The following DNAH7 variants were observed in gnomAD, a reference collection of about 807,000 sequenced individuals.
DNAH7 encodes dynein axonemal heavy chain 7.
Under a neutral mutation model 444.6 loss-of-function variants are expected in DNAH7, and 397 were observed. The ratio of observed to expected loss-of-function variants is 0.89; its 90% CI spans 0.82 to 0.97. The LOEUF is 0.97. Among genes scored for constraint, DNAH7 ranks in the 50% least tolerant of loss-of-function variants. The pLI is 0.00. For synonymous variants in DNAH7, 1,636 were observed against 1,624.4 expected (o/e 1.01, Z -0.17); for missense variants, 4,902 against 4,800.8 (o/e 1.02, Z -0.62).
intron 9 of DNAH7, among the ~76,000 whole-genome samples, chr2:196,017,371 TAATA>T (rs1052609574): frequency 5.3e-5 from 8 of 152,288 alleles, no homozygotes; most frequent in African/African-American, 1.9e-4. Context: ...TATAAAAACT[TAATA>T]AATTCCAATC....
chr2:195,907,091 T>A, intron 25 of DNAH7, 82 bp from the exon 26 acceptor site: 1 of 1,090,338 alleles, frequency 9.2e-7, no homozygotes. Flanking sequence ...CCTGATCTTT[T>A]CAAGGATTTA....
intron 16 of DNAH7, among the ~76,000 whole-genome samples, chr2:195,970,485 T>A (rs557096235): frequency 2.4e-4 from 36 of 152,172 alleles, no homozygotes; most frequent in Non-Finnish European, 4.9e-4. Flanking sequence ...TTTTTACCTA[T>A]GCTATTTTTA....
chr2:196,032,463 AG>A (rs1696119425), intron 5 of DNAH7, among the ~76,000 whole-genome samples: 1 of 152,192 alleles, frequency 6.6e-6, no homozygotes, highest in South Asian at 2.1e-4. Flanking sequence ...ACCAAAGGAG[AG>A]AATGAGTAGG....
intron 46 of DNAH7, 142 bp downstream of exon 46, chr2:195,853,201 A>G: frequency 3.1e-6 from 2 of 651,662 alleles, no homozygotes; most frequent in Middle Eastern, 9.3e-4. Context: ...GAATAATTAA[A>G]ATACACAAGC....
Position 195,900,495 on chromosome 2 carries a change from C to A in DNAH7, c.4336-1G>T. The A allele has an allele frequency of 6.2e-7, 1 of 1,613,322 alleles. No individual in the cohort carries two copies. Among genetic ancestry groups the A allele is most frequent in the Non-Finnish European group, 8.5e-7 (1 of 1,179,442 alleles). On this transcript the variant is annotated splice_acceptor_variant, in intron 27 of 64. Transcript: ENST00000312428. LOFTEE classifies it high-confidence loss of function. ...TCATTGCTACTGTCCGAAAGAGAGC[C>A]TATGGGTAGGTAGAAAGTTACTTTT...
chr2:195,892,604 C>T (rs1415779567), intron 30 of DNAH7: 1 of 151,694 alleles, frequency 6.6e-6, no homozygotes, highest in African/African-American at 2.4e-5. Flanking sequence ...TTATTAACAT[C>T]TTGAATTGGT....
At chr2:195,747,874 A>G (rs1243528064) in intron 63 of DNAH7, among the ~76,000 whole-genome samples, 1 of 152,212 alleles carries the variant, frequency 6.6e-6, no homozygotes, top group Non-Finnish European at 1.5e-5. Context: ...CCCACAGCCA[A>G]TATCATACTG....
At chr2:195,983,113 G>A (rs1255643423) in intron 15 of DNAH7, among the ~76,000 whole-genome samples, 3 of 151,954 alleles carry the variant, frequency 2.0e-5, no homozygotes, top group Non-Finnish European at 2.9e-5. Flanking sequence ...CACCTGCTAT[G>A]TACCCATGAA....
intron 48 of DNAH7, among the ~76,000 whole-genome samples, chr2:195,828,412 G>C (rs933739632): frequency 1.3e-5 from 2 of 151,666 alleles, no homozygotes; most frequent in African/African-American, 2.4e-5. Flanking sequence ...GTGAAACCCT[G>C]TCTCTACTAA....
At chr2:196,037,381 A>G (rs1005559595) in intron 5 of DNAH7, among the ~76,000 whole-genome samples, 1 of 152,198 alleles carries the variant, frequency 6.6e-6, no homozygotes, top group Non-Finnish European at 1.5e-5. Flanking sequence ...GAACACAATA[A>G]TTCTCTACCA....
Position 195,891,657 on chromosome 2 carries a change from C to A in DNAH7, c.5044G>T (p.Val1682Leu). The A allele has an allele frequency of 1.3e-6, 2 of 1,582,588 alleles. No individual in the cohort carries two copies. The highest frequency in any genetic ancestry group is 2.3e-5 in the East Asian group (1 of 44,118). The change falls in exon 31 of 65, where the codon GTG becomes TTG. Residue 1682 changes from valine (V) to leucine (L), a missense_variant and splice_region_variant. Physicochemically the swap from Val to Leu is conservative, Grantham distance 32. Transcript: ENST00000312428. The part of the protein sequence containing the change: ...AVSFRAFASS[V>L]TPDRKWLIFD... ...CATGTGAAAGTGTTAGAACTTACCA[C>A]TGAAGAGGCAAATGCTCTAAAACTG...
Position 195,754,483 on chromosome 2 carries a change from A to T in DNAH7, c.11618T>A (p.Phe3873Tyr), listed in dbSNP as rs746139977. The change falls in exon 63 of 65, where the codon TTC becomes TAC. Residue 3873 changes from phenylalanine to tyrosine, a missense_variant. Transcript: ENST00000312428. ...QWYEVGPPPVFWLSGFFFTQA... is the reference protein window; with the variant it reads ...QWYEVGPPPVYWLSGFFFTQA... ...TGTGAAGAAGAAGCCAGAAAGCCAG[A>T]AGACTGGAGGAGGACCAACCTCATA... The T allele has an allele frequency of 6.2e-7, 1 of 1,614,088 alleles. No individual in the cohort carries two copies. The highest frequency in any genetic ancestry group is 1.1e-5 in the South Asian group (1 of 91,078).
chr2:195,810,345 C>G (rs1015210804), intron 51 of DNAH7, among the ~76,000 whole-genome samples: 4 of 152,268 alleles, frequency 2.6e-5, no homozygotes, highest in African/African-American at 9.6e-5. Context: ...ACTTGGCAAA[C>G]TCCATTTTTA....
At chr2:196,023,321 C>T (rs1164995286) in intron 8 of DNAH7, among the ~76,000 whole-genome samples, 1 of 152,190 alleles carries the variant, frequency 6.6e-6, no homozygotes, top group Non-Finnish European at 1.5e-5. Context: ...CAGCAACATA[C>T]TTCCTATAAA....
At chr2:195,874,074 T>C (rs950872769) in intron 38 of DNAH7, among the ~76,000 whole-genome samples, 2 of 152,140 alleles carry the variant, frequency 1.3e-5, no homozygotes, top group African/African-American at 4.8e-5. Flanking sequence ...TTAACGTAAC[T>C]CTGGTGAATC....
rs749482466 is a variant in DNAH7, at chr2:195,864,434, A to T, written c.7221T>A (p.Ser2407=). ...LFTDTQIKEE[S]FLEDVSNLLN... ...GCAGATTACTGACATCTTCCAGAAA[A>T]GACTCTTCTTTAATTTGAGTATCTG... The change falls in exon 41 of 65, where the codon TCT becomes TCA. Residue 2407 remains serine (S), a synonymous_variant. Transcript: ENST00000312428. 3.7e-6 allele frequency: 6 copies of T among 1,614,070 alleles called. No homozygotes were observed.
At chr2:196,001,980 A>G in intron 10 of DNAH7, 122 bp from the exon 11 acceptor site, 2 of 649,868 alleles carry the variant, frequency 3.1e-6, no homozygotes, top group South Asian at 4.0e-5. Context: ...TTGCTAAATG[A>G]TATTACCCAC....
intron 36 of DNAH7, among the ~76,000 whole-genome samples, chr2:195,880,741 TAGA>T (rs1465594906): frequency 6.6e-6 from 1 of 152,178 alleles, no homozygotes; most frequent in African/African-American, 2.4e-5. Context: ...AATCATCTTG[TAGA>T]AGAATAATGA....
intron 8 of DNAH7, among the ~76,000 whole-genome samples, chr2:196,021,992 T>C (rs990640511): frequency 3.3e-5 from 5 of 152,030 alleles, no homozygotes; most frequent in African/African-American, 1.2e-4. Flanking sequence ...CCAGGCGTGG[T>C]GGTGCACACC....
Sources: allele counts gnomAD v4.1 joint callset (sites outside exome capture counted in the v4.1 genomes callset), GRCh38; gene constraint gnomAD v4.1.1; transcripts MANE v1.5; gene names NCBI Gene and HGNC (gene_info 2026-07-23, HGNC 2026-07-21).